The following PPM1L variants were observed in gnomAD, a reference collection of about 807,000 sequenced individuals.
PPM1L encodes the protein protein phosphatase 1L.
In PPM1L, 13 loss-of-function variants were observed where a neutral mutation model predicts 31.4. The observed-to-expected ratio is 0.41, with a 90% CI of 0.27 to 0.66. The LOEUF (loss-of-function observed/expected upper bound fraction) is 0.66. PPM1L is among the 30% of genes least tolerant of loss of function. The pLI is 0.29. For synonymous variants in PPM1L, 184 were observed against 175.4 expected, an observed-to-expected ratio of 1.05 and a Z score of -0.39; for missense variants, 326 against 453.7, an observed-to-expected ratio of 0.72 and a Z score of 2.56.
intron 2 of PPM1L, among the ~76,000 whole-genome samples, chr3:160,965,644 A>T (rs771050207): frequency 3.3e-5 from 5 of 152,144 alleles, no homozygotes; most frequent in Non-Finnish European, 7.4e-5. Context: ...TGGGTTTATC[A>T]GGATGTAATC....
chr3:160,766,755 T>C (rs1409582279), intron 1 of PPM1L, among the ~76,000 whole-genome samples: 1 of 151,904 alleles, frequency 6.6e-6, no homozygotes, highest in Non-Finnish European at 1.5e-5. Flanking sequence ...TTTTTTTTTT[T>C]TTCCCTTCTC....
At chr3:160,918,048 G>A (rs907520866) in intron 1 of PPM1L, among the ~76,000 whole-genome samples, 12 of 152,120 alleles carry the variant, frequency 7.9e-5, no homozygotes, top group Admixed American at 4.6e-4. Context: ...ACTTGCACGC[G>A]AATCCTTCTC....
intron 1 of PPM1L, among the ~76,000 whole-genome samples, chr3:160,899,029 A>G (rs971912871): frequency 6.6e-6 from 1 of 152,160 alleles, no homozygotes; most frequent in Non-Finnish European, 1.5e-5. Flanking sequence ...TCCAGTGTTC[A>G]TAATAGCTTT....
intron 1 of PPM1L, among the ~76,000 whole-genome samples, chr3:160,862,548 A>C (rs1272502631): frequency 6.6e-6 from 1 of 152,100 alleles, no homozygotes; most frequent in Non-Finnish European, 1.5e-5. Flanking sequence ...CAGAGAGTTA[A>C]CATTCATATG....
chr3:160,879,605 T>G (rs749959190), intron 1 of PPM1L, among the ~76,000 whole-genome samples: 6 of 152,100 alleles, frequency 3.9e-5, no homozygotes, highest in Non-Finnish European at 8.8e-5. Context: ...CACATGAAAA[T>G]TTTTAGTAAT....
At chr3:161,030,459 C>A (rs371934551) in intron 2 of PPM1L, among the ~76,000 whole-genome samples, 1 of 152,204 alleles carries the variant, frequency 6.6e-6, no homozygotes, top group Non-Finnish European at 1.5e-5. Context: ...AGATCTTGGA[C>A]TTCCCGGCCT....
At chr3:160,995,509 C>T (rs1295434849) in intron 2 of PPM1L, among the ~76,000 whole-genome samples, 5 of 152,010 alleles carry the variant, frequency 3.3e-5, no homozygotes, top group East Asian at 1.9e-4. Flanking sequence ...TTAGTAGTCA[C>T]GGGGTTTTGC....
At chr3:160,769,873 A>G (rs1715203599) in intron 1 of PPM1L, among the ~76,000 whole-genome samples, 1 of 152,134 alleles carries the variant, frequency 6.6e-6, no homozygotes, top group Non-Finnish European at 1.5e-5. Context: ...GAATTTTTGT[A>G]CCCATTTCGG....
At chr3:160,821,471 G>A (rs775175905) in intron 1 of PPM1L, among the ~76,000 whole-genome samples, 21 of 151,986 alleles carry the variant, frequency 1.4e-4, no homozygotes, top group South Asian at 4.2e-4. Context: ...TTTCTCTAAC[G>A]TCGTCAAAAT....
At chr3:161,058,188 G>A (rs1719474580) in intron 2 of PPM1L, among the ~76,000 whole-genome samples, 1 of 124,016 alleles carries the variant, frequency 8.1e-6, no homozygotes, top group South Asian at 2.9e-4. Flanking sequence ...GCAGTGGCAC[G>A]ATCTTGGCTC....
chr3:161,003,790 G>A (rs1477182775), intron 2 of PPM1L, among the ~76,000 whole-genome samples: 1 of 151,616 alleles, frequency 6.6e-6, no homozygotes, highest in African/African-American at 2.4e-5. Context: ...TGCAAACAGG[G>A]ACAATTTGAC....
At chr3:160,934,033 C>A (rs1377184621) in intron 1 of PPM1L, among the ~76,000 whole-genome samples, 1 of 152,084 alleles carries the variant, frequency 6.6e-6, no homozygotes, top group African/African-American at 2.4e-5. Context: ...GTAACAAGAG[C>A]AAATGTTTTT....
chr3:160,847,955 T>C (rs1053427196), intron 1 of PPM1L, among the ~76,000 whole-genome samples: 3 of 152,138 alleles, frequency 2.0e-5, no homozygotes, highest in African/African-American at 7.2e-5. Context: ...CTGTCCTCTG[T>C]TGCTGGAATT....
chr3:160,822,157 C>T (rs1713220101), intron 1 of PPM1L, among the ~76,000 whole-genome samples: 1 of 152,030 alleles, frequency 6.6e-6, no homozygotes, highest in Non-Finnish European at 1.5e-5. Context: ...GGATAAATTA[C>T]CCAACATAAT....
chr3:160,993,644 G>A (rs1717210259), intron 2 of PPM1L, among the ~76,000 whole-genome samples: 2 of 152,088 alleles, frequency 1.3e-5, no homozygotes, highest in South Asian at 4.1e-4. Flanking sequence ...TAAATGTGGA[G>A]GGACCGAGAT....
intron 2 of PPM1L, among the ~76,000 whole-genome samples, chr3:161,002,576 C>G (rs1315973917): frequency 1.3e-5 from 2 of 149,990 alleles, no homozygotes; most frequent in Non-Finnish European, 2.9e-5. Context: ...ATTTGCATTT[C>G]TCTGATAGCC....
rs1715030927 is a variant in PPM1L, at chr3:160,763,766, A to G, written c.399+7059A>G. On this transcript the variant is annotated intron_variant, in intron 1 of 3. Transcript: ENST00000498165. ...ACTAACAAGATAGAAGTATGGGGGG[A>G]GAGGGTCAATTGGGAAGCTTGAGAC... Among the ~76,000 whole-genome samples, 3 of 152,106 alleles carry G rather than the reference A, an allele frequency of 2.0e-5. No homozygotes were observed. In the South Asian group the frequency reaches 6.2e-4, roughly 32 times the overall value.
At position 160,795,467 on chromosome 3, in the gene PPM1L, A is replaced by G. The variant is rs556504462; in HGVS notation, c.399+38760A>G. Among the ~76,000 whole-genome samples the G allele has an allele frequency of 2.6e-5, 4 of 152,208 alleles. No homozygotes were observed. The South Asian group carries it at 8.3e-4, about 32-fold the overall frequency. On this transcript the variant is annotated intron_variant, in intron 1 of 3. Transcript: ENST00000498165. ...TGCCAAGTACCCTGCTGGGGGCAAAATTGCCCCTGGGTGAGAACCGCTGCC... is the reference window on the plus strand; with the variant it reads ...TGCCAAGTACCCTGCTGGGGGCAAAGTTGCCCCTGGGTGAGAACCGCTGCC...
intron 1 of PPM1L, among the ~76,000 whole-genome samples, chr3:160,763,905 CT>C (rs923525798): frequency 6.6e-6 from 1 of 152,088 alleles, no homozygotes; most frequent in Non-Finnish European, 1.5e-5. Flanking sequence ...GTTTGCATAA[CT>C]TTTGTTACCA....
Sources: gnomAD v4.1 joint callset for allele counts (sites outside exome capture counted in the v4.1 genomes callset) on GRCh38, gnomAD v4.1.1 for gene constraint, MANE v1.5 for transcripts, NCBI Gene and HGNC (gene_info 2026-07-23, HGNC 2026-07-21) for gene names.